Variants in CAMK4 observed in about 807,000 individuals in gnomAD.
The protein encoded by CAMK4 is calcium/calmodulin dependent protein kinase IV, also known as calcium/calmodulin-dependent protein kinase type IV.
CAMK4 carries 22 observed loss-of-function variants against 44.9 expected under a neutral mutation model. The ratio of observed to expected loss-of-function variants is 0.49; its 90% confidence interval spans 0.35 to 0.70. The LOEUF (loss-of-function observed/expected upper bound fraction) is 0.70, where lower values mean the gene tolerates loss of function less well. Among genes scored for constraint, CAMK4 ranks in the 30% least tolerant of loss-of-function variants. The pLI is 0.01. For synonymous variants in CAMK4, 218 were observed against 215.4 expected (o/e 1.01, Z -0.11); for missense variants, 498 against 586.8 (o/e 0.85, Z 1.56).
intron 2 of CAMK4, among the ~76,000 whole-genome samples, chr5:111,348,318 G>A (rs1200906676): frequency 6.6e-6 from 1 of 151,980 alleles, no homozygotes; most frequent in East Asian, 1.9e-4. Flanking sequence ...CTTATCCATA[G>A]GAATACAGGT....
At chr5:111,236,071 T>G (rs1478921603) in intron 1 of CAMK4, among the ~76,000 whole-genome samples, 1 of 152,216 alleles carries the variant, frequency 6.6e-6, no homozygotes, top group Non-Finnish European at 1.5e-5. Flanking sequence ...AAAGTGAAGA[T>G]TGTGGTAGTG....
At chr5:111,450,348 G>T (rs1754184623) in intron 7 of CAMK4, among the ~76,000 whole-genome samples, 1 of 151,578 alleles carries the variant, frequency 6.6e-6, no homozygotes, top group African/African-American at 2.4e-5. Flanking sequence ...AAAACAAAGA[G>T]AATATTTTTA....
intron 5 of CAMK4, among the ~76,000 whole-genome samples, chr5:111,433,422 A>C (rs574291946): frequency 6.6e-6 from 1 of 152,210 alleles, no homozygotes; most frequent in Non-Finnish European, 1.5e-5. Context: ...TAGGATAGTC[A>C]TGCATTTTAC....
At chr5:111,321,100 C>T (rs747903024) in intron 1 of CAMK4, among the ~76,000 whole-genome samples, 2 of 152,098 alleles carry the variant, frequency 1.3e-5, no homozygotes, top group Non-Finnish European at 2.9e-5. Context: ...AGCCTTTCAA[C>T]GTTTCTCTGC....
chr5:111,442,469 C>T (rs1753859644), intron 5 of CAMK4, among the ~76,000 whole-genome samples: 1 of 151,614 alleles, frequency 6.6e-6, no homozygotes, highest in Non-Finnish European at 1.5e-5. Context: ...TGCACTCCAG[C>T]CTGGGCGACA....
chr5:111,319,333 G>A (rs572583975), intron 1 of CAMK4, among the ~76,000 whole-genome samples: 2 of 152,312 alleles, frequency 1.3e-5, no homozygotes, highest in South Asian at 4.1e-4. Flanking sequence ...AGACACAGCA[G>A]TCTTGGATTC....
In CAMK4 at chr5:111,376,835, T is replaced by G. The variant is rs377021408; in HGVS notation, c.304-25T>G. On this transcript the variant is annotated intron_variant, in intron 3 of 10. Transcript: ENST00000282356. ...AAGATGGAATAAGAAATTTGTGATA[T>G]TCTTTTTTTTATATCTTTCCCTAGA... 3.9e-5 allele frequency: 53 copies of G among 1,370,472 alleles called. 1 individual carries two copies. Among genetic ancestry groups the G allele is most frequent in the Non-Finnish European group, 5.5e-5 (53 of 969,232 alleles). The allele number at this position is 1,370,472 out of a possible 1,614,324, so 84.9% of individuals were successfully genotyped here.
chr5:111,321,603 T>C lies in CAMK4; in HGVS notation c.162-22421T>C, dbSNP rs1394722251. Reference sequence around the variant, plus strand: ...GTATAGCTCTCAGCCACATGAATCCTTTAGAAACAGCAGTGGGTGTAGTCT... The same window carrying C: ...GTATAGCTCTCAGCCACATGAATCCCTTAGAAACAGCAGTGGGTGTAGTCT... On this transcript the variant is annotated intron_variant, in intron 1 of 10. Coordinates refer to ENST00000282356, the MANE Select transcript of CAMK4 (RefSeq NM_001744.6). Among the ~76,000 whole-genome samples the C allele has an allele frequency of 2.6e-5, 4 of 152,162 alleles. No individual in the cohort carries two copies. In the East Asian group the frequency reaches 7.7e-4, roughly 29 times the overall value.
intron 1 of CAMK4, among the ~76,000 whole-genome samples, chr5:111,229,276 G>A (rs1272659253): frequency 6.6e-6 from 1 of 152,186 alleles, no homozygotes; most frequent in African/African-American, 2.4e-5. Context: ...CTGTTTTGCA[G>A]ATGGCTGCCT....
intron 1 of CAMK4, among the ~76,000 whole-genome samples, chr5:111,333,456 A>C (rs1308109339): frequency 6.6e-6 from 1 of 151,692 alleles, no homozygotes; most frequent in Non-Finnish European, 1.5e-5. Flanking sequence ...TTTATTCCAT[A>C]GTTTTATTGT....
chr5:111,396,598 G>C (rs762766812), intron 5 of CAMK4, among the ~76,000 whole-genome samples: 12 of 134,352 alleles, frequency 8.9e-5, no homozygotes, highest in Non-Finnish European at 1.9e-4. Context: ...AAAAAAGAAA[G>C]AAGAAGCACT....
intron 8 of CAMK4, among the ~76,000 whole-genome samples, chr5:111,477,979 C>A (rs1186128189): frequency 1.3e-5 from 2 of 152,020 alleles, no homozygotes; most frequent in Non-Finnish European, 2.9e-5. Context: ...GAAGTCTATT[C>A]AATCTCTGTC....
At chr5:111,257,046 C>A (rs1749773108) in intron 1 of CAMK4, among the ~76,000 whole-genome samples, 1 of 152,126 alleles carries the variant, frequency 6.6e-6, no homozygotes, top group South Asian at 2.1e-4. Context: ...ACTGTAAAAA[C>A]CCTAGAAGAA....
At chr5:111,283,754 A>G (rs1751119211) in intron 1 of CAMK4, among the ~76,000 whole-genome samples, 1 of 152,206 alleles carries the variant, frequency 6.6e-6, no homozygotes, top group Non-Finnish European at 1.5e-5. Flanking sequence ...CCTACTGTCT[A>G]TTCAACAGCA....
intron 4 of CAMK4, among the ~76,000 whole-genome samples, chr5:111,393,850 A>G (rs908898829): frequency 2.0e-5 from 3 of 150,064 alleles, no homozygotes; most frequent in African/African-American, 7.4e-5. Context: ...TTGCCCATGT[A>G]CCTCTGAACT....
chr5:111,455,952 G>C (rs1282814933), intron 7 of CAMK4, among the ~76,000 whole-genome samples: 2 of 152,166 alleles, frequency 1.3e-5, no homozygotes, highest in Non-Finnish European at 2.9e-5. Flanking sequence ...TGTATGTGAA[G>C]TTCTTGCACA....
chr5:111,386,614 T>TACC (rs1751613841), intron 4 of CAMK4, among the ~76,000 whole-genome samples: 2 of 152,208 alleles, frequency 1.3e-5, no homozygotes, highest in South Asian at 4.1e-4. Flanking sequence ...AGTCATATGT[T>TACC]ACAGCAGCTC....
intron 1 of CAMK4, among the ~76,000 whole-genome samples, chr5:111,230,633 G>C (rs1477120708): frequency 6.6e-6 from 1 of 150,870 alleles, no homozygotes; most frequent in Non-Finnish European, 1.5e-5. Context: ...AAGAGAGAGA[G>C]AAAAAGAACA....
intron 1 of CAMK4, among the ~76,000 whole-genome samples, chr5:111,261,673 G>T (rs1210221496): frequency 6.6e-6 from 1 of 151,584 alleles, no homozygotes; most frequent in Non-Finnish European, 1.5e-5. Context: ...AAGTTGGAGA[G>T]AATGCCCTCC....
Sources: allele counts gnomAD v4.1 joint callset (sites outside exome capture counted in the v4.1 genomes callset), GRCh38; gene constraint gnomAD v4.1.1; transcripts MANE v1.5; gene names NCBI Gene and HGNC (gene_info 2026-07-23, HGNC 2026-07-21).